The following GALNT10 variants were observed in gnomAD, a reference collection of about 807,000 sequenced individuals.
GALNT10 encodes the protein polypeptide N-acetylgalactosaminyltransferase 10.
A neutral mutation model predicts 75.0 loss-of-function variants in GALNT10; 41 were observed. That is an observed-to-expected ratio of 0.55 (90% confidence interval 0.43 to 0.71). GALNT10 has a LOEUF of 0.71. GALNT10 is among the 30% of genes least tolerant of loss of function. The pLI, the probability that GALNT10 is intolerant of heterozygous loss-of-function variation, is 0.00. For missense variants in GALNT10, 727 were observed against 818.5 expected, an observed-to-expected ratio of 0.89 and a Z score of 1.36; for synonymous variants, 302 against 313.0, an observed-to-expected ratio of 0.96 and a Z score of 0.37.
rs1057339861 is a variant in GALNT10 at position 154,412,394 on chromosome 5, G to T, written c.1387-495G>T. ...AACTATTGTTCTTTGGATCTCAGCA[G>T]GGGGTGAGGGGGCCTCCTGCCACCT... On this transcript the variant is annotated intron_variant, in intron 9 of 11. Coordinates refer to ENST00000297107, the MANE Select transcript of GALNT10 (RefSeq NM_198321.4). This position sits in a 1 kb window ranked among gnomAD's most constrained non-coding sequence, Gnocchi z 4.2. The T allele has an allele frequency of 6.2e-6, 1 of 161,278 alleles. No homozygotes were observed. Among genetic ancestry groups the T allele is most frequent in the Admixed American group, 6.0e-5 (1 of 16,688 alleles). The allele number at this position is 161,278 out of a possible 1,614,324, so 10.0% of individuals were successfully genotyped here.
intron 1 of GALNT10, among the ~76,000 whole-genome samples, chr5:154,205,108 A>G (rs142687622): frequency 3.4e-4 from 52 of 152,352 alleles, no homozygotes; most frequent in Non-Finnish European, 7.5e-4. Context: ...GAAATTGCAC[A>G]CTTTCACCCT....
chr5:154,363,779 C>T (rs1253557703), intron 4 of GALNT10, among the ~76,000 whole-genome samples: 1 of 152,160 alleles, frequency 6.6e-6, no homozygotes, highest in Non-Finnish European at 1.5e-5. Context: ...CCTGACGCTA[C>T]CTCCTATGTT....
At chr5:154,276,050 C>T (rs1213752582) in intron 1 of GALNT10, among the ~76,000 whole-genome samples, 11 of 152,278 alleles carry the variant, frequency 7.2e-5, no homozygotes, top group Admixed American at 4.6e-4. Context: ...TGTAACAAGT[C>T]GCTACATATT....
intron 1 of GALNT10, among the ~76,000 whole-genome samples, chr5:154,271,126 T>C (rs1200952519): frequency 6.6e-6 from 1 of 152,046 alleles, no homozygotes; most frequent in Non-Finnish European, 1.5e-5. Flanking sequence ...TGGACAGATA[T>C]TTGAGTCCTG....
chr5:154,380,688 C>T (rs549428828), intron 6 of GALNT10, 57 bp downstream of exon 6: 14 of 1,206,504 alleles, frequency 1.2e-5, no homozygotes, highest in Admixed American at 5.9e-5. Flanking sequence ...ACTCCCAACA[C>T]GCACACAACT....
intron 4 of GALNT10, among the ~76,000 whole-genome samples, chr5:154,362,971 G>A (rs748767731): frequency 3.9e-5 from 6 of 152,174 alleles, no homozygotes; most frequent in African/African-American, 1.2e-4. Context: ...CCTACCAACC[G>A]TCCACTTGGG....
intron 1 of GALNT10, among the ~76,000 whole-genome samples, chr5:154,256,072 C>T (rs996111346): frequency 1.3e-5 from 2 of 152,112 alleles, no homozygotes. Context: ...CCTGAGCTCC[C>T]AGATCTTCCT....
In GALNT10 at chr5:154,382,859, T is replaced by C. The variant is rs1383722813; in HGVS notation, c.938+2228T>C. On this transcript the variant is annotated intron_variant, in intron 6 of 11. Transcript: ENST00000297107. ...GCTAAGACCAGGTCATACAGCTGGCTAGTAGCAAAGGCCCAGCTAGTGTCT... is the reference window on the plus strand; with the variant it reads ...GCTAAGACCAGGTCATACAGCTGGCCAGTAGCAAAGGCCCAGCTAGTGTCT... 2.0e-5 allele frequency among the ~76,000 whole-genome samples: 3 copies of C among 152,228 alleles called. No homozygotes were observed. The East Asian group carries it at 5.8e-4, about 29-fold the overall frequency.
intron 1 of GALNT10, among the ~76,000 whole-genome samples, chr5:154,252,926 T>G (rs4958719): frequency 0.35 from 52,962 of 150,308 alleles, 11,521 homozygotes; most frequent in East Asian, 0.76. Context: ...TCATCTTGAT[T>G]TAAAATTTTT....
At chr5:154,377,540 T>C (rs1472234096) in intron 5 of GALNT10, among the ~76,000 whole-genome samples, 2 of 152,184 alleles carry the variant, frequency 1.3e-5, no homozygotes, top group Non-Finnish European at 2.9e-5. Flanking sequence ...GCCTCACAAG[T>C]TGCATGTCTA....
intron 4 of GALNT10, among the ~76,000 whole-genome samples, chr5:154,358,922 C>T (rs1018799226): frequency 6.6e-6 from 1 of 152,190 alleles, no homozygotes; most frequent in Non-Finnish European, 1.5e-5. Context: ...CAAACCCCTG[C>T]CTCATTGAAT....
At chr5:154,391,847 G>T (rs1755902821) in intron 7 of GALNT10, among the ~76,000 whole-genome samples, 1 of 146,758 alleles carries the variant, frequency 6.8e-6, no homozygotes, top group African/African-American at 2.6e-5. Context: ...TTCTCATGGA[G>T]ATCCTCAGCA....
At position 154,420,910 on chromosome 5, in the gene GALNT10, T is replaced by A. The variant is rs1367281929; in HGVS notation, c.*3938T>A. 3 of 152,226 alleles carry A rather than the reference T, an allele frequency of 2.0e-5. No individual in the cohort carries two copies. Among genetic ancestry groups the A allele is most frequent in the African/African-American group, 7.2e-5 (3 of 41,466 alleles). The allele number at this position is 152,226 out of a possible 1,614,324, so 9.4% of individuals were successfully genotyped here. On this transcript the variant is annotated 3_prime_UTR_variant, in exon 12 of 12. Transcript: ENST00000297107. ...CTCCTCCTGCCTGGAAAAATAAGCC[T>A]TTGTGAAAGACTGATTTACCATGTA...
At chr5:154,198,045 C>T (rs1561625693) in intron 1 of GALNT10, among the ~76,000 whole-genome samples, 1 of 152,192 alleles carries the variant, frequency 6.6e-6, no homozygotes, top group Non-Finnish European at 1.5e-5. Context: ...CTAAGACAGC[C>T]TCTTCAGTAG....
At chr5:154,231,301 C>A (rs1753146423) in intron 1 of GALNT10, among the ~76,000 whole-genome samples, 1 of 152,174 alleles carries the variant, frequency 6.6e-6, no homozygotes, top group Admixed American at 6.5e-5. Flanking sequence ...TGTTTGCCTT[C>A]TTGGTTGGTT....
intron 1 of GALNT10, among the ~76,000 whole-genome samples, chr5:154,211,672 C>G (rs979231030): frequency 6.6e-6 from 1 of 152,090 alleles, no homozygotes; most frequent in Non-Finnish European, 1.5e-5. Context: ...CTCATGAGGT[C>G]GCTATCAAGA....
chr5:154,225,407 T>A (rs1264455204), intron 1 of GALNT10, among the ~76,000 whole-genome samples: 4 of 143,720 alleles, frequency 2.8e-5, no homozygotes, highest in African/African-American at 1.1e-4. Flanking sequence ...TTTTTTTTTT[T>A]AAAGGCAGGG....
intron 1 of GALNT10, among the ~76,000 whole-genome samples, chr5:154,250,854 A>G (rs1272075427): frequency 6.6e-6 from 1 of 152,132 alleles, no homozygotes; most frequent in Admixed American, 6.6e-5. Flanking sequence ...TGCACAGCCA[A>G]ACAGGAATAT....
At chr5:154,355,732 GC>G (rs1427007171) in intron 4 of GALNT10, among the ~76,000 whole-genome samples, 4 of 150,852 alleles carry the variant, frequency 2.7e-5, no homozygotes, top group African/African-American at 1.0e-4. Context: ...TATCTGACAT[GC>G]TGGGGCTAAG....
Sources: gnomAD v4.1 joint callset for allele counts (sites outside exome capture counted in the v4.1 genomes callset) on GRCh38, gnomAD v4.1.1 for gene constraint, Gnocchi (gnomAD v3.1) non-coding constraint, MANE v1.5 for transcripts, NCBI Gene and HGNC (gene_info 2026-07-23, HGNC 2026-07-21) for gene names.